NPAS3: variants seen among roughly 807,000 people sequenced by gnomAD.
NPAS3 encodes the protein neuronal PAS domain protein 3.
A neutral mutation model predicts 73.1 loss-of-function variants in NPAS3; 14 were observed. That is an observed-to-expected ratio of 0.19 (90% CI 0.13 to 0.30). NPAS3 has a LOEUF of 0.30. Among genes scored for constraint, NPAS3 ranks in the 10% least tolerant of loss-of-function variants. NPAS3 has a pLI of 1.00. For missense variants in NPAS3, 1,096 were observed against 1,250.0 expected, an observed-to-expected ratio of 0.88 and a Z score of 1.86; for synonymous variants, 620 against 541.5, an observed-to-expected ratio of 1.14 and a Z score of -2.01.
At chr14:33,582,494 C>A (rs1345758007) in intron 5 of NPAS3, among the ~76,000 whole-genome samples, 1 of 152,156 alleles carries the variant, frequency 6.6e-6, no homozygotes, top group African/African-American at 2.4e-5. Context: ...CCATGTTTAT[C>A]TTCTTAGGTC....
intron 1 of NPAS3, among the ~76,000 whole-genome samples, chr14:33,051,748 A>G (rs145353400): frequency 1.3e-5 from 2 of 152,282 alleles, no homozygotes; most frequent in East Asian, 1.9e-4. Flanking sequence ...ATTTAGGGGT[A>G]CAAATAAAGA....
chr14:33,039,249 A>G (rs1201490782), intron 1 of NPAS3, among the ~76,000 whole-genome samples: 2 of 152,190 alleles, frequency 1.3e-5, no homozygotes, highest in Non-Finnish European at 2.9e-5. Context: ...TTGCATTTTA[A>G]TAAGTGGAGG....
intron 4 of NPAS3, among the ~76,000 whole-genome samples, chr14:33,417,283 C>T (rs1011942900): frequency 1.3e-5 from 2 of 151,958 alleles, no homozygotes; most frequent in African/African-American, 4.8e-5. Context: ...CCATTAAAAA[C>T]TCTTTTGTAA....
downstream of NPAS3, chr14:33,801,129 C>A: frequency 6.4e-7 from 1 of 1,556,972 alleles, no homozygotes. Flanking sequence ...CGTCCTGGGC[C>A]CGGCCAGGCC....
intron 5 of NPAS3, among the ~76,000 whole-genome samples, chr14:33,624,569 G>GT (rs11354235): frequency 0.066 from 9,246 of 140,992 alleles, 346 homozygotes; most frequent in Non-Finnish European, 0.098. Context: ...GAACTATGTA[G>GT]TTTTTTTTTT....
At chr14:32,935,848 T>G (rs1396443926), upstream of NPAS3, among the ~76,000 whole-genome samples, 3 of 152,226 alleles carry the variant, frequency 2.0e-5, no homozygotes, top group African/African-American at 7.2e-5. Flanking sequence ...ACTGAAAATG[T>G]AATCCACGAA....
intron 2 of NPAS3, among the ~76,000 whole-genome samples, chr14:33,095,789 C>G (rs1377241854): frequency 6.6e-6 from 1 of 151,184 alleles, no homozygotes; most frequent in Admixed American, 6.6e-5. Context: ...CTGCCTCAGC[C>G]TCTGGAGTAG....
At chr14:33,541,825 T>C (rs770599426) in intron 4 of NPAS3, among the ~76,000 whole-genome samples, 5 of 152,168 alleles carry the variant, frequency 3.3e-5, no homozygotes, top group East Asian at 1.9e-4. Context: ...AAATCTGCTG[T>C]AGTTTCCAAT....
At chr14:33,130,281 A>G (rs905445786) in intron 2 of NPAS3, among the ~76,000 whole-genome samples, 1 of 152,070 alleles carries the variant, frequency 6.6e-6, no homozygotes, top group East Asian at 1.9e-4. Context: ...CTCCCCCCTT[A>G]TTTAGTCTCA....
chr14:33,406,476 G>C (rs914467119), intron 4 of NPAS3, among the ~76,000 whole-genome samples: 3 of 152,094 alleles, frequency 2.0e-5, no homozygotes. Context: ...ATGACTCTAA[G>C]AGATGGCATG....
rs201905246 is a variant in NPAS3, at chr14:33,686,602, ATGT to A, written c.733+10219_733+10221del. On this transcript the variant is annotated intron_variant, in intron 6 of 11. Coordinates refer to ENST00000356141, the Ensembl canonical transcript of NPAS3. ...TATTTCTCACAAAACACTATTGAAG[ATGT>A]TATTATTTTTCCCATTTTACAGATG... 6.9e-3 allele frequency among the ~76,000 whole-genome samples: 1,047 copies of A among 152,256 alleles called. 6 individuals are homozygous for A. The highest frequency in any genetic ancestry group is 0.024 in the African/African-American group (983 of 41,556).
At chr14:33,474,467 A>G (rs2050928774) in intron 4 of NPAS3, among the ~76,000 whole-genome samples, 1 of 152,222 alleles carries the variant, frequency 6.6e-6, no homozygotes, top group South Asian at 2.1e-4. Context: ...GAGAATATAC[A>G]GAAAAATGTC....
intron 4 of NPAS3, among the ~76,000 whole-genome samples, chr14:33,468,438 A>G (rs900075722): frequency 6.6e-5 from 10 of 152,206 alleles, no homozygotes; most frequent in Non-Finnish European, 1.3e-4. Context: ...TTAAAAGCCA[A>G]TGTGGAAATA....
At chr14:33,009,771 A>C (rs2039126035) in intron 1 of NPAS3, among the ~76,000 whole-genome samples, 1 of 152,164 alleles carries the variant, frequency 6.6e-6, no homozygotes, top group Admixed American at 6.5e-5. Context: ...GGCCAAGAAC[A>C]TGTGGCTGGT....
At chr14:33,786,108 T>A (rs193203307) in intron 9 of NPAS3, among the ~76,000 whole-genome samples, 1 of 152,280 alleles carries the variant, frequency 6.6e-6, no homozygotes, top group East Asian at 1.9e-4. Flanking sequence ...GCTTAAACAA[T>A]CGAGGTTTAT....
intron 1 of NPAS3, among the ~76,000 whole-genome samples, chr14:33,051,732 AT>A (rs1566506282): frequency 6.6e-6 from 1 of 152,196 alleles, no homozygotes; most frequent in Admixed American, 6.5e-5. Flanking sequence ...GTTATTTAGA[AT>A]ACCAATTTAG....
chr14:33,616,143 T>G (rs2140072584), intron 5 of NPAS3, among the ~76,000 whole-genome samples: 1 of 152,342 alleles, frequency 6.6e-6, no homozygotes, highest in South Asian at 2.1e-4. Context: ...GACACTTTTC[T>G]TAAGCCTGCC....
intron 4 of NPAS3, among the ~76,000 whole-genome samples, chr14:33,460,841 G>T (rs1033384740): frequency 3.9e-5 from 6 of 152,168 alleles, no homozygotes; most frequent in African/African-American, 1.4e-4. Flanking sequence ...ACCAGAGAGT[G>T]GGTCCAGGAA....
At chr14:33,067,026 C>A (rs1409918937) in intron 2 of NPAS3, among the ~76,000 whole-genome samples, 1 of 152,210 alleles carries the variant, frequency 6.6e-6, no homozygotes, top group Non-Finnish European at 1.5e-5. Context: ...TGAGTTTGCA[C>A]TCGAGACAGT....
Sources: allele counts gnomAD v4.1 joint callset (sites outside exome capture counted in the v4.1 genomes callset), GRCh38; gene constraint gnomAD v4.1.1; transcripts MANE v1.5; gene names NCBI Gene and HGNC (gene_info 2026-07-23, HGNC 2026-07-21).